Variants in PDE4D observed in about 807,000 individuals in gnomAD.
PDE4D encodes the protein 3',5'-cyclic-AMP phosphodiesterase 4D.
Under a neutral mutation model 87.4 loss-of-function variants are expected in PDE4D, and 24 were observed. The observed-to-expected ratio is 0.27, with a 90% confidence interval of 0.20 to 0.39. The LOEUF (loss-of-function observed/expected upper bound fraction) is 0.39, where lower values mean the gene tolerates loss of function less well. Ranked by LOEUF, PDE4D falls within the 10% of genes least tolerant of loss-of-function variation. PDE4D has a pLI of 1.00. For synonymous variants in PDE4D, 384 were observed against 383.2 expected (o/e 1.00, Z -0.02); for missense variants, 714 against 1,041.0 (o/e 0.69, Z 4.32).
intron 1 of PDE4D, among the ~76,000 whole-genome samples, chr5:59,606,717 G>A (rs1434488110): frequency 6.6e-6 from 1 of 152,148 alleles, no homozygotes; most frequent in Admixed American, 6.6e-5. Context: ...GCCAGGCACT[G>A]TGCTCAATAC....
intron 1 of PDE4D, among the ~76,000 whole-genome samples, chr5:59,303,586 TA>T (rs1770692071): frequency 6.6e-6 from 1 of 152,140 alleles, no homozygotes. Flanking sequence ...AGATAGGATC[TA>T]GTTTCATTCT....
chr5:59,702,996 T>C (rs1554065718), intron 1 of PDE4D, among the ~76,000 whole-genome samples: 1 of 152,048 alleles, frequency 6.6e-6, no homozygotes, highest in Non-Finnish European at 1.5e-5. Context: ...CATAATCTCT[T>C]ACACAGTTTG....
intron 1 of PDE4D, among the ~76,000 whole-genome samples, chr5:59,577,843 C>T (rs1283915906): frequency 6.6e-6 from 1 of 152,000 alleles, no homozygotes; most frequent in Non-Finnish European, 1.5e-5. Flanking sequence ...TAATAATATC[C>T]CTTAACTTAC....
intron 2 of PDE4D, among the ~76,000 whole-genome samples, chr5:60,049,023 C>A (rs1016257689): frequency 3.3e-5 from 5 of 152,166 alleles, no homozygotes; most frequent in African/African-American, 9.7e-5. Flanking sequence ...TAGATTTGGT[C>A]TTTTCACATA....
intron 5 of PDE4D, among the ~76,000 whole-genome samples, chr5:59,151,600 T>C (rs1276941075): frequency 6.6e-6 from 1 of 152,144 alleles, no homozygotes; most frequent in African/African-American, 2.4e-5. Flanking sequence ...TTATAATCAC[T>C]GATGGTACTC....
rs373038849 is a variant in PDE4D, at chr5:59,034,520, T to G, written c.921+4339A>C. Among the ~76,000 whole-genome samples, 91 of 152,280 alleles carry G rather than the reference T, an allele frequency of 6.0e-4. No individual in the cohort carries two copies. The East Asian group carries it at 0.01, about 17-fold the overall frequency. ...CCTATATTTGTTATAACACCCCTCT[T>G]GCCCAGAAGAAAATACATCAACAAA... On this transcript the variant is annotated intron_variant, in intron 6 of 14. Transcript: ENST00000340635.
intron 6 of PDE4D, among the ~76,000 whole-genome samples, chr5:59,006,718 A>C (rs1279416052): frequency 6.6e-6 from 1 of 152,228 alleles, no homozygotes; most frequent in Non-Finnish European, 1.5e-5. Flanking sequence ...ATACCCAAGC[A>C]ATTAACAATC....
chr5:59,472,050 C>T (rs150696315), intron 1 of PDE4D, among the ~76,000 whole-genome samples: 22 of 152,084 alleles, frequency 1.4e-4, no homozygotes, highest in African/African-American at 4.8e-4. Flanking sequence ...GTGAAAAACA[C>T]AGAGAAAGAG....
rs1284551086 is a variant in PDE4D, at chr5:58,975,678, A to T, written c.1992T>A (p.Asn664Lys). ...MEISPMCDKH[N>K]ASVEKSQVGF... ...TTACCTGTGATTTTTCCACGGAAGCATTGTGCTTGTCACACATGGGGCTTA... is the reference window on the plus strand; with the variant it reads ...TTACCTGTGATTTTTCCACGGAAGCTTTGTGCTTGTCACACATGGGGCTTA... Residue 664 changes from asparagine (N) to lysine (K), a missense_variant, in exon 14 of 15, where the codon AAT becomes AAA. Coordinates refer to ENST00000340635, the MANE Select transcript of PDE4D (RefSeq NM_001104631.2). This position sits in a 1 kb window ranked among gnomAD's most constrained non-coding sequence, Gnocchi z 4.2. The T allele has an allele frequency of 3.7e-6, 6 of 1,608,690 alleles. No individual in the cohort carries two copies. The highest frequency in any genetic ancestry group is 1.1e-5 in the South Asian group (1 of 90,152).
At chr5:59,103,520 C>T (rs1433208635) in intron 5 of PDE4D, among the ~76,000 whole-genome samples, 1 of 151,872 alleles carries the variant, frequency 6.6e-6, no homozygotes, top group Non-Finnish European at 1.5e-5. Flanking sequence ...CAATAGGGAG[C>T]CCACATCCTG....
rs1453753671 is a variant in PDE4D, at chr5:59,902,967, T to C, written c.272+85521A>G. On this transcript the variant is annotated intron_variant, in intron 3 of 16. Transcript: ENST00000502484. ...CTCTCAAAGTTTAGTTTTAAAGTTT[T>C]ATAGTTAAATAAAGTTAATACCAAA... Among the ~76,000 whole-genome samples the C allele has an allele frequency of 2.0e-5, 3 of 152,198 alleles. No homozygotes were observed. The East Asian group carries it at 5.8e-4, about 29-fold the overall frequency.
intron 1 of PDE4D, among the ~76,000 whole-genome samples, chr5:60,426,499 G>A (rs1743726436): frequency 6.6e-6 from 1 of 152,072 alleles, no homozygotes; most frequent in Admixed American, 6.5e-5. Context: ...TTGGACACAG[G>A]GTGGCGAACA....
At chr5:60,227,306 T>C (rs1745231082) in intron 1 of PDE4D, among the ~76,000 whole-genome samples, 1 of 152,002 alleles carries the variant, frequency 6.6e-6, no homozygotes, top group Non-Finnish European at 1.5e-5. Flanking sequence ...CTTTCAGTTG[T>C]GCATAAAATA....
At chr5:59,952,363 C>T (rs556372806) in intron 3 of PDE4D, among the ~76,000 whole-genome samples, 2 of 152,268 alleles carry the variant, frequency 1.3e-5, no homozygotes, top group East Asian at 3.9e-4. Context: ...AATTCTCACC[C>T]CATCCAACCC....
chr5:59,635,235 G>A (rs775987592), intron 1 of PDE4D, among the ~76,000 whole-genome samples: 1 of 152,100 alleles, frequency 6.6e-6, no homozygotes, highest in Non-Finnish European at 1.5e-5. Context: ...CTGAAATTGA[G>A]GCAGTAATTA....
At chr5:59,474,409 C>T (rs1802960095) in intron 1 of PDE4D, among the ~76,000 whole-genome samples, 1 of 152,154 alleles carries the variant, frequency 6.6e-6, no homozygotes, top group Non-Finnish European at 1.5e-5. Context: ...CTACCAAATA[C>T]TTCTAGCTTT....
At chr5:60,017,306 T>A (rs934738962) in intron 2 of PDE4D, among the ~76,000 whole-genome samples, 5 of 152,166 alleles carry the variant, frequency 3.3e-5, no homozygotes, top group Admixed American at 2.0e-4. Flanking sequence ...AATTTAATTT[T>A]AAGTTGTTGG....
intron 5 of PDE4D, among the ~76,000 whole-genome samples, chr5:59,123,666 C>T (rs929469090): frequency 2.0e-5 from 3 of 152,132 alleles, no homozygotes; most frequent in Non-Finnish European, 2.9e-5. Context: ...TACTCCATTG[C>T]AGACACCGTG....
chr5:60,449,358 T>C (rs1253326948), intron 1 of PDE4D, among the ~76,000 whole-genome samples: 2 of 151,644 alleles, frequency 1.3e-5, no homozygotes, highest in Non-Finnish European at 2.9e-5. Flanking sequence ...TTCATAATAA[T>C]TGGAAATCAT....
Sources: gnomAD v4.1 joint callset for allele counts (sites outside exome capture counted in the v4.1 genomes callset) on GRCh38, gnomAD v4.1.1 for gene constraint, Gnocchi (gnomAD v3.1) non-coding constraint, MANE v1.5 for transcripts, NCBI Gene and HGNC (gene_info 2026-07-23, HGNC 2026-07-21) for gene names.